The following PBX1 variants were observed in gnomAD, a reference collection of about 807,000 sequenced individuals.
PBX1 encodes the protein pre-B-cell leukemia transcription factor 1.
In PBX1, 6 loss-of-function variants were observed where a neutral mutation model predicts 53.4. The observed-to-expected ratio is 0.11, with a 90% CI of 0.06 to 0.22. The LOEUF (loss-of-function observed/expected upper bound fraction) is 0.22. Ranked by LOEUF, PBX1 falls within the 10% of genes least tolerant of loss-of-function variation. The probability of loss-of-function intolerance (pLI) is 1.00; values close to 1 mark genes in which losing one functional copy is unlikely to be tolerated. For synonymous variants in PBX1, 204 were observed against 212.3 expected (o/e 0.96, Z 0.34); for missense variants, 251 against 551.4 (o/e 0.46, Z 5.46).
In PBX1 at chr1:164,850,807, A is replaced by C. The variant is rs1157307086; in HGVS notation, c.*4131A>C. 2 of 209,626 alleles carry C rather than the reference A, an allele frequency of 9.5e-6. No individual in the cohort carries two copies. The highest frequency in any genetic ancestry group is 1.9e-5 in the Non-Finnish European group (2 of 103,106). The allele number at this position is 209,626 out of a possible 1,614,324, so 13.0% of individuals were successfully genotyped here. On this transcript the variant is annotated 3_prime_UTR_variant, in exon 9 of 9. Coordinates refer to ENST00000420696, the MANE Select transcript of PBX1 (RefSeq NM_002585.4). ...AATTCAAAAACGTTTAGTCCAAGGG[A>C]ACTTTTTATGCTATCAGGAAAGGTT... is the stretch of plus-strand genomic sequence containing the variant.
chr1:164,698,484 C>G (rs1490816215), intron 2 of PBX1, among the ~76,000 whole-genome samples: 1 of 151,956 alleles, frequency 6.6e-6, no homozygotes, highest in Non-Finnish European at 1.5e-5. Context: ...TTATTTTGTT[C>G]CCTGTTCCCT....
chr1:164,811,853 A>T, intron 5 of PBX1, 137 bp from the exon 6 acceptor site: 1 of 452,510 alleles, frequency 2.2e-6, no homozygotes, highest in Non-Finnish European at 3.6e-6. Flanking sequence ...AGATCTTTTT[A>T]CTGATGTTGC....
At chr1:164,671,341 G>A (rs1359938269) in intron 2 of PBX1, among the ~76,000 whole-genome samples, 2 of 152,118 alleles carry the variant, frequency 1.3e-5, no homozygotes, top group African/African-American at 4.8e-5. Flanking sequence ...TCCAGTGTTG[G>A]TGGTAATGGT....
chr1:164,640,165 T>C (rs1318510590), intron 2 of PBX1, among the ~76,000 whole-genome samples: 2 of 151,990 alleles, frequency 1.3e-5, no homozygotes, highest in South Asian at 4.2e-4. Context: ...CTCCTGGAGG[T>C]CTGGATGTGC....
chr1:164,858,013 G>T (rs189785788), intron 2 of PBX1, among the ~76,000 whole-genome samples: 1 of 152,054 alleles, frequency 6.6e-6, no homozygotes, highest in Admixed American at 6.6e-5. Flanking sequence ...TTAAAATATT[G>T]TCCTGTTTCC....
chr1:164,703,991 G>T (rs6703114), intron 2 of PBX1, among the ~76,000 whole-genome samples: 40,052 of 151,876 alleles, frequency 0.26, 5,399 homozygotes, highest in African/African-American at 0.29. Flanking sequence ...AAGGGAGGAG[G>T]TCCCTCCCTC....
chr1:164,850,703 AT>A lies in PBX1; in HGVS notation c.*4030del. ...TGTTGATGTCTCGTTGCTCACCTGC[AT>A]TTCCAGAGAGTGTGACACTCATGCA... is the stretch of plus-strand genomic sequence containing the variant. On this transcript the variant is annotated 3_prime_UTR_variant, in exon 9 of 9. Coordinates refer to ENST00000420696, the MANE Select transcript of PBX1 (RefSeq NM_002585.4). The A allele has an allele frequency of 5.1e-6, 1 of 195,994 alleles. No homozygotes were observed. The highest frequency in any genetic ancestry group is 1.1e-5 in the Non-Finnish European group (1 of 94,212). The allele number at this position is 195,994 out of a possible 1,614,324, so 12.1% of individuals were successfully genotyped here.
chr1:164,581,489 G>T (rs945458914), intron 2 of PBX1, among the ~76,000 whole-genome samples: 5 of 152,098 alleles, frequency 3.3e-5, no homozygotes, highest in African/African-American at 1.2e-4. Flanking sequence ...GCCTCCCAAA[G>T]TGGTGGGATT....
chr1:164,754,454 T>C (rs1351956398), intron 2 of PBX1, among the ~76,000 whole-genome samples: 1 of 152,236 alleles, frequency 6.6e-6, no homozygotes, highest in African/African-American at 2.4e-5. Context: ...TCAGCTGTTA[T>C]TAATTGAATA....
chr1:164,744,889 G>A (rs1665813881), intron 2 of PBX1, among the ~76,000 whole-genome samples: 1 of 152,090 alleles, frequency 6.6e-6, no homozygotes, highest in African/African-American at 2.4e-5. Flanking sequence ...TGGGGGTGGT[G>A]GTGGGTGGGA....
chr1:164,700,725 A>G, intron 2 of PBX1: 2 of 985,288 alleles, frequency 2.0e-6, no homozygotes, highest in Non-Finnish European at 2.4e-6. Flanking sequence ...GGTGAATTAA[A>G]CTGAAGGTTT....
chr1:164,790,900 G>A (rs1471019161), intron 2 of PBX1, among the ~76,000 whole-genome samples: 1 of 152,102 alleles, frequency 6.6e-6, no homozygotes, highest in East Asian at 1.9e-4. Context: ...GCTTTGCCAG[G>A]GCTGGGAGAC....
At chr1:164,700,162 C>T (rs1240940583) in intron 2 of PBX1, among the ~76,000 whole-genome samples, 3 of 152,138 alleles carry the variant, frequency 2.0e-5, no homozygotes, top group Non-Finnish European at 4.4e-5. Context: ...CAGGGCTTTT[C>T]GCTGGGTCCC....
At chr1:164,875,660 G>C (rs555527601) in intron 2 of PBX1, among the ~76,000 whole-genome samples, 1 of 152,020 alleles carries the variant, frequency 6.6e-6, no homozygotes, top group Non-Finnish European at 1.5e-5. Context: ...TTGAGCCACC[G>C]GCAGGCTCAG....
intron 2 of PBX1, among the ~76,000 whole-genome samples, chr1:164,694,482 A>C (rs896981738): frequency 1.3e-5 from 2 of 152,218 alleles, no homozygotes; most frequent in African/African-American, 4.8e-5. Flanking sequence ...TTTATTGAAC[A>C]AATGGTAAAG....
chr1:164,727,112 G>A (rs1664740660), intron 2 of PBX1, among the ~76,000 whole-genome samples: 1 of 152,260 alleles, frequency 6.6e-6, no homozygotes, highest in South Asian at 2.1e-4. Flanking sequence ...CACACCCCTA[G>A]GGATGAAGAT....
chr1:164,745,388 T>C (rs1214229835), intron 2 of PBX1, among the ~76,000 whole-genome samples: 3 of 152,162 alleles, frequency 2.0e-5, no homozygotes, highest in Admixed American at 2.0e-4. Flanking sequence ...ATAATAACAG[T>C]TTTATCTATA....
intron 2 of PBX1, among the ~76,000 whole-genome samples, chr1:164,579,477 G>A (rs1654468597): frequency 6.6e-6 from 1 of 152,116 alleles, no homozygotes; most frequent in Non-Finnish European, 1.5e-5. Flanking sequence ...ACTGTGGCCT[G>A]CCCAGTCCTG....
At chr1:164,588,840 C>G (rs1655148288) in intron 2 of PBX1, among the ~76,000 whole-genome samples, 1 of 152,184 alleles carries the variant, frequency 6.6e-6, no homozygotes. Flanking sequence ...TCCGCCCCCA[C>G]CATGCCCTCC....
Sources: gnomAD v4.1 joint callset for allele counts (sites outside exome capture counted in the v4.1 genomes callset) on GRCh38, gnomAD v4.1.1 for gene constraint, MANE v1.5 for transcripts, NCBI Gene and HGNC (gene_info 2026-07-23, HGNC 2026-07-21) for gene names.